Variants in MCM7 observed in about 807,000 individuals in gnomAD.
The protein encoded by MCM7 is DNA replication licensing factor MCM7.
MCM7 carries 95 observed loss-of-function variants against 83.5 expected under a neutral mutation model. The observed-to-expected ratio is 1.14, with a 90% CI of 0.96 to 1.35. The LOEUF (loss-of-function observed/expected upper bound fraction) is 1.35, where lower values mean the gene tolerates loss of function less well. Ranked by LOEUF, MCM7 falls within the 40% of genes most tolerant of loss-of-function variation. The probability of loss-of-function intolerance (pLI) is 0.00; values close to 1 mark genes in which losing one functional copy is unlikely to be tolerated. For synonymous variants in MCM7, 461 were observed against 352.7 expected (o/e 1.31, Z -3.44); for missense variants, 1,087 against 957.4 (o/e 1.14, Z -1.79).
At chr7:100,100,447 G>A (rs1288547452) in intron 1 of MCM7, 1 of 1,003,722 alleles carries the variant, frequency 1.0e-6, no homozygotes, top group Admixed American at 5.9e-5. Context: ...GGTCCCCTTA[G>A]CCCCTGATTT....
At position 100,099,133 on chromosome 7, in the gene MCM7, CCA is replaced by C. The variant is rs747061284; in HGVS notation, c.470_471del (p.Val157GlyfsTer15). ...ATTCCACGCACAGTTACCAACTTCC[CCA>C]CAGAGTCAGCCCGCACTTCCCGGAT... Reference protein sequence around the residue: ...RVIREVRADSVGKLVTVRGIV... With the variant: ...RVIREVRADSXGKLVTVRGIV... On this transcript the variant is annotated frameshift_variant, in exon 5 of 15. Transcript: ENST00000303887. LOFTEE classifies it high-confidence loss of function. 12 of 1,614,052 alleles carry C rather than the reference CCA, an allele frequency of 7.4e-6. No homozygotes were observed. Among genetic ancestry groups the C allele is most frequent in the African/African-American group, 1.3e-5 (1 of 74,898 alleles).
intron 4 of MCM7, 24 bp downstream of exon 4, chr7:100,099,255 T>A (rs760546729): frequency 2.5e-6 from 4 of 1,613,944 alleles, no homozygotes; most frequent in Admixed American, 1.7e-5. Context: ...AATCCCTACA[T>A]CTTTCCCGAC....
chr7:100,093,887 T>C, intron 13 of MCM7: 1 of 668,628 alleles, frequency 1.5e-6, no homozygotes, highest in Non-Finnish European at 2.9e-6. Flanking sequence ...GGAAGGTCTG[T>C]AGCACAGGAT....
chr7:100,101,133 C>A, intron 1 of MCM7, 131 bp downstream of exon 1: 1 of 1,166,158 alleles, frequency 8.6e-7, no homozygotes, highest in South Asian at 1.3e-5. Context: ...GGCCGCAGCT[C>A]GACCCTGCCT....
In MCM7 at chr7:100,100,834, G is replaced by C. The variant is rs557295262; in HGVS notation, c.31+430C>G. On this transcript the variant is annotated intron_variant, in intron 1 of 14. Coordinates refer to ENST00000303887, the MANE Select transcript of MCM7 (RefSeq NM_005916.5). ...GCGGCCTCAAACGGCCAATCCCGGC[G>C]CGCAGCGGCCCCGGCCTGCCCGCCC... 4,085 of 1,004,702 alleles carry C rather than the reference G, an allele frequency of 4.1e-3. 124 individuals carry two copies. The African/African-American group carries it at 0.066, about 16-fold the overall frequency. 62.2% of individuals were successfully genotyped at this position (1,004,702 alleles called of 1,614,324 possible).
At chr7:100,099,987 A>T (rs368617055) in intron 2 of MCM7, 27 bp downstream of exon 2, 2 of 1,598,558 alleles carry the variant, frequency 1.3e-6, no homozygotes, top group Non-Finnish European at 1.7e-6. Flanking sequence ...CCCGCTCCCC[A>T]TTCCCTTTAC....
In MCM7 at chr7:100,094,319, C is replaced by G; in HGVS notation, c.1702G>C (p.Glu568Gln). ...LMRRYIAMCR[E>Q]KQPMVPESLA... ...GACTCTGGCACCATGGGCTGCTTCTCGCGGCACATGGCTATGTAACGCCTG... is the reference window on the plus strand; with the variant it reads ...GACTCTGGCACCATGGGCTGCTTCTGGCGGCACATGGCTATGTAACGCCTG... The change falls in exon 13 of 15, where the codon GAG becomes CAG. Residue 568 changes from glutamate to glutamine, a missense_variant. Physicochemically the swap from Glu to Gln is conservative, Grantham distance 29. Transcript: ENST00000303887. 6.2e-7 allele frequency: 1 copy of G among 1,614,070 alleles called. No homozygotes were observed. The highest frequency in any genetic ancestry group is 1.1e-5 in the South Asian group (1 of 91,076).
intron 1 of MCM7, chr7:100,100,596 G>A (rs1795934142): frequency 3.0e-6 from 3 of 990,226 alleles, no homozygotes; most frequent in Non-Finnish European, 3.6e-6. Flanking sequence ...GCCCAGGGCG[G>A]GAGCCAGTCC....
chr7:100,094,900 G>A (rs1264017962), intron 12 of MCM7, among the ~76,000 whole-genome samples: 4 of 152,158 alleles, frequency 2.6e-5, no homozygotes, highest in Admixed American at 2.6e-4. Context: ...ATAACCTGAA[G>A]GTAATTTTAT....
intron 13 of MCM7, chr7:100,093,958 G>A: frequency 1.4e-6 from 1 of 736,724 alleles, no homozygotes; most frequent in Non-Finnish European, 2.5e-6. Flanking sequence ...AAGAAGTGGG[G>A]AAAAGGCCTT....
Position 100,095,829 on chromosome 7 carries a change from G to A in MCM7, c.1540C>T (p.Arg514Trp). The change falls in exon 11 of 15, where the codon CGG becomes TGG. Residue 514 changes from arginine (R) to tryptophan (W), a missense_variant. Transcript: ENST00000303887. ...TGAATCAGCCAGAGGAGGTCAAACC[G>A]GGAGAGCAGTGCAGCAGGTAGCTGT... ...NIQLPAALLS[R>W]FDLLWLIQDR... is the part of the protein sequence containing the mutation. The A allele has an allele frequency of 1.2e-6, 2 of 1,608,344 alleles. No homozygotes were observed. Among genetic ancestry groups the A allele is most frequent in the Non-Finnish European group, 1.7e-6 (2 of 1,177,738 alleles).
intron 1 of MCM7, chr7:100,100,313 C>A: frequency 1.6e-6 from 2 of 1,266,448 alleles, no homozygotes; most frequent in Non-Finnish European, 1.0e-6. Context: ...TCCAACATCT[C>A]CCCAGGGGAA....
At chr7:100,093,194 G>A (rs967842926) in intron 14 of MCM7, 61 bp from the exon 15 acceptor site, 2 of 1,597,902 alleles carry the variant, frequency 1.3e-6, no homozygotes, top group African/African-American at 1.3e-5. Context: ...GACATCAACA[G>A]AGAACAATGG....
intron 1 of MCM7, 107 bp downstream of exon 1, chr7:100,101,156 AC>A (rs1796000182): frequency 7.1e-6 from 10 of 1,401,034 alleles, no homozygotes; most frequent in Non-Finnish European, 2.0e-6. Flanking sequence ...GGCCTCGCGC[AC>A]CCCAGAACCC....
Position 100,096,153 on chromosome 7 carries a change from C to T in MCM7, c.1216G>A (p.Gly406Ser). The change falls in exon 11 of 15, where the codon GGC (glycine) becomes AGC (serine). Residue 406 changes from glycine (G) to serine (S), a missense_variant. Gly to Ser is a moderately conservative substitution (Grantham distance 56). Transcript: ENST00000303887. Reference sequence around the variant, plus strand: ...AGCCCCACTCCTGAGGAGCCCCGGCCTGTTGTGTACTGGCCTGGAAGAGAA... The same window carrying T: ...AGCCCCACTCCTGAGGAGCCCCGGCTTGTTGTGTACTGGCCTGGAAGAGAA... ...RLAPRSQYTT[G>S]RGSSGVGLTA... The T allele has an allele frequency of 6.3e-7, 1 of 1,598,890 alleles. No individual in the cohort carries two copies. The highest frequency in any genetic ancestry group is 8.5e-7 in the Non-Finnish European group (1 of 1,171,286).
intron 1 of MCM7, 54 bp from the exon 2 acceptor site, chr7:100,100,147 T>C (rs781460773): frequency 2.9e-5 from 46 of 1,599,338 alleles, no homozygotes; most frequent in Non-Finnish European, 3.2e-5. Context: ...AAATCTTAGA[T>C]ACCCATTTTC....
At position 100,097,879 on chromosome 7, in the gene MCM7, A is replaced by G. The variant is rs1375413651; in HGVS notation, c.940T>C (p.Ser314Pro). 1.9e-6 allele frequency: 3 copies of G among 1,613,772 alleles called. No individual in the cohort carries two copies. The highest frequency in any genetic ancestry group is 1.1e-5 in the South Asian group (1 of 91,070). The part of the protein sequence containing the change: ...VKMNKSEDDE[S>P]GAGELTREEL... ...TCCCTGGTGAGCTCTCCAGCCCCAG[A>G]CTCATCATCCTCACTCTTGTTCATC... Residue 314 changes from serine to proline, a missense_variant, in exon 8 of 15, where the codon TCT becomes CCT. Coordinates refer to ENST00000303887, the MANE Select transcript of MCM7 (RefSeq NM_005916.5).
chr7:100,099,436 A>AAAAAAAAAAAAAAAACAAAAC, intron 3 of MCM7, 33 bp from the exon 4 acceptor site: 1 of 1,552,302 alleles, frequency 6.4e-7, no homozygotes, highest in East Asian at 2.2e-5. Flanking sequence ...AAAAAAAAAA[A>AAAAAAAAAAAAAAAACAAAAC]GAGCAACAGG....
chr7:100,097,238 T>C lies in MCM7; in HGVS notation c.1201+63A>G, dbSNP rs1465066104. 12 of 1,459,958 alleles carry C rather than the reference T, an allele frequency of 8.2e-6. No individual in the cohort carries two copies. In the East Asian group the frequency reaches 1.8e-4, roughly 22 times the overall value. 90.4% of individuals were successfully genotyped at this position (1,459,958 alleles called of 1,614,324 possible). A position where few individuals can be genotyped will look rare whatever the true frequency, so the allele number is the denominator to read the frequency against. On this transcript the variant is annotated intron_variant, in intron 10 of 14. Coordinates refer to ENST00000303887, the MANE Select transcript of MCM7 (RefSeq NM_005916.5). Reference sequence around the variant, plus strand: ...GTGAGCAAACATGCACCCCTACTTTTTGAATAAACACTGTGGTCCTGTCTG... The same window carrying C: ...GTGAGCAAACATGCACCCCTACTTTCTGAATAAACACTGTGGTCCTGTCTG...
Sources: allele counts gnomAD v4.1 joint callset (sites outside exome capture counted in the v4.1 genomes callset), GRCh38; gene constraint gnomAD v4.1.1; transcripts MANE v1.5; gene names NCBI Gene and HGNC (gene_info 2026-07-23, HGNC 2026-07-21).